The following SORCS3 variants were observed in gnomAD, a reference collection of about 807,000 sequenced individuals.
SORCS3 encodes the protein sortilin related VPS10 domain containing receptor 3, also known as VPS10 domain-containing receptor SorCS3.
Under a neutral mutation model 146.3 loss-of-function variants are expected in SORCS3, and 57 were observed. That is an observed-to-expected ratio of 0.39 (90% CI 0.31 to 0.49). SORCS3 has a LOEUF of 0.49. Ranked by LOEUF, SORCS3 falls within the 20% of genes least tolerant of loss-of-function variation. The probability of loss-of-function intolerance (pLI) is 0.92; values close to 1 mark genes in which losing one functional copy is unlikely to be tolerated. For missense variants in SORCS3, 1,341 were observed against 1,575.5 expected (o/e 0.85, Z 2.52); for synonymous variants, 653 against 618.5 (o/e 1.06, Z -0.83).
intron 6 of SORCS3, 93 bp downstream of exon 6, chr10:105,089,932 A>G: frequency 1.0e-6 from 1 of 988,022 alleles, no homozygotes; most frequent in Non-Finnish European, 1.6e-6. Context: ...TGGGAAGATG[A>G]AAAGCTCTGA....
intron 5 of SORCS3, among the ~76,000 whole-genome samples, chr10:105,064,938 C>T (rs2055512803): frequency 6.6e-6 from 1 of 152,166 alleles, no homozygotes; most frequent in South Asian, 2.1e-4. Flanking sequence ...TTAGTCCAAT[C>T]AAGTTGACAT....
chr10:104,975,043 T>C (rs1037354383), intron 3 of SORCS3, among the ~76,000 whole-genome samples: 74 of 152,298 alleles, frequency 4.9e-4, no homozygotes, highest in Non-Finnish European at 8.1e-4. Flanking sequence ...TTCTGACTTG[T>C]AGAGTTTCTG....
At chr10:104,669,185 T>TAC (rs2015820835) in intron 1 of SORCS3, among the ~76,000 whole-genome samples, 1 of 152,242 alleles carries the variant, frequency 6.6e-6, no homozygotes, top group East Asian at 1.9e-4. Flanking sequence ...ATGTATAATA[T>TAC]ACATGTACTA....
At chr10:105,188,510 TACTA>T (rs1453674914) in intron 14 of SORCS3, among the ~76,000 whole-genome samples, 2 of 152,148 alleles carry the variant, frequency 1.3e-5, no homozygotes, top group Non-Finnish European at 2.9e-5. Flanking sequence ...ATGAAATTAA[TACTA>T]AATCATTTCA....
chr10:104,996,979 G>C (rs1280221717), intron 4 of SORCS3, among the ~76,000 whole-genome samples: 2 of 152,102 alleles, frequency 1.3e-5, no homozygotes, highest in Non-Finnish European at 2.9e-5. Flanking sequence ...TTTTTTCGAT[G>C]ATCCCTGGAA....
At chr10:105,012,410 G>T (rs570010227) in intron 4 of SORCS3, among the ~76,000 whole-genome samples, 6 of 152,226 alleles carry the variant, frequency 3.9e-5, no homozygotes, top group African/African-American at 1.4e-4. Context: ...TCAAGGTCTT[G>T]CCATTTTTTT....
chr10:105,122,330 T>C (rs2133766090), intron 7 of SORCS3, among the ~76,000 whole-genome samples: 1 of 152,320 alleles, frequency 6.6e-6, no homozygotes, highest in Non-Finnish European at 1.5e-5. Context: ...AAGCAGCCTT[T>C]AATAATCTGA....
At chr10:104,971,036 G>T (rs1396169271) in intron 3 of SORCS3, among the ~76,000 whole-genome samples, 1 of 152,214 alleles carries the variant, frequency 6.6e-6, no homozygotes, top group Non-Finnish European at 1.5e-5. Flanking sequence ...GGAACTCAGA[G>T]AAGTTGAGTT....
chr10:104,698,828 C>G (rs556732027), intron 1 of SORCS3, among the ~76,000 whole-genome samples: 1 of 152,004 alleles, frequency 6.6e-6, no homozygotes, highest in Non-Finnish European at 1.5e-5. Context: ...CTATGAAAAC[C>G]TTTATTTCCC....
chr10:105,242,255 C>CATATATTTATAT, intron 20 of SORCS3, among the ~76,000 whole-genome samples: 1 of 137,176 alleles, frequency 7.3e-6, no homozygotes, highest in Admixed American at 7.9e-5. Flanking sequence ...TATATTTATA[C>CATATATTTATAT]ATATATTTAT....
At chr10:104,645,281 A>T (rs2015477849) in intron 1 of SORCS3, among the ~76,000 whole-genome samples, 1 of 152,212 alleles carries the variant, frequency 6.6e-6, no homozygotes, top group African/African-American at 2.4e-5. Flanking sequence ...AAAAACACCC[A>T]GAGGGAGCCC....
At chr10:104,821,104 G>C (rs749448260) in intron 1 of SORCS3, among the ~76,000 whole-genome samples, 5 of 152,180 alleles carry the variant, frequency 3.3e-5, no homozygotes, top group Non-Finnish European at 7.4e-5. Flanking sequence ...TCCGGCTTGT[G>C]CATTCTTGGC....
At chr10:104,983,703 G>A (rs1259409328) in intron 4 of SORCS3, among the ~76,000 whole-genome samples, 1 of 151,748 alleles carries the variant, frequency 6.6e-6, no homozygotes, top group Non-Finnish European at 1.5e-5. Flanking sequence ...CTTGAATCCA[G>A]ATCCTAGATT....
chr10:105,049,184 C>G (rs182565132), intron 5 of SORCS3, among the ~76,000 whole-genome samples: 1 of 152,166 alleles, frequency 6.6e-6, no homozygotes, highest in East Asian at 1.9e-4. Context: ...AGCAAAGTAG[C>G]TTTTTACTGA....
chr10:105,064,192 CAATT>C (rs1418709884), intron 5 of SORCS3, among the ~76,000 whole-genome samples: 10 of 152,114 alleles, frequency 6.6e-5, no homozygotes, highest in Admixed American at 5.2e-4. Flanking sequence ...AATAATCAGA[CAATT>C]AAAGTTGTGA....
chr10:104,832,439 CG>C (rs1176213420), intron 1 of SORCS3, among the ~76,000 whole-genome samples: 1 of 152,032 alleles, frequency 6.6e-6, no homozygotes, highest in Non-Finnish European at 1.5e-5. Context: ...CAGGTGTGAC[CG>C]GGCACAGTGG....
At position 105,224,191 on chromosome 10, in the gene SORCS3, CA is replaced by C. The variant is rs1203083919; in HGVS notation, c.2868+947del. On this transcript the variant is annotated intron_variant, in intron 20 of 26. Transcript: ENST00000369701. Reference sequence around the variant, plus strand: ...TGACATGAATCTACCACTATAGTATCAAAAAGAAGGGTTTCACTACCCTGAA... The same window carrying C: ...TGACATGAATCTACCACTATAGTATCAAAAGAAGGGTTTCACTACCCTGAA... Among the ~76,000 whole-genome samples the C allele has an allele frequency of 5.3e-5, 8 of 152,262 alleles. No homozygotes were observed. The South Asian group carries it at 1.7e-3, about 32-fold the overall frequency.
At chr10:105,023,611 C>G (rs2055210417) in intron 4 of SORCS3, among the ~76,000 whole-genome samples, 1 of 152,098 alleles carries the variant, frequency 6.6e-6, no homozygotes, top group Admixed American at 6.6e-5. Flanking sequence ...ACCATGCCAT[C>G]TTGGCAATTC....
At chr10:104,923,853 G>T (rs898108343) in intron 3 of SORCS3, among the ~76,000 whole-genome samples, 1 of 152,154 alleles carries the variant, frequency 6.6e-6, no homozygotes, top group Admixed American at 6.5e-5. Context: ...ATTCATAAAG[G>T]CAACAAGTGT....
Sources: allele counts gnomAD v4.1 joint callset (sites outside exome capture counted in the v4.1 genomes callset), GRCh38; gene constraint gnomAD v4.1.1; transcripts MANE v1.5; gene names NCBI Gene and HGNC (gene_info 2026-07-23, HGNC 2026-07-21).